EPC2: variants seen among roughly 807,000 people sequenced by gnomAD.
The protein encoded by EPC2 is enhancer of polycomb 2, also known as enhancer of polycomb homolog 2.
In EPC2, 14 loss-of-function variants were observed where a neutral mutation model predicts 92.1. The ratio of observed to expected loss-of-function variants is 0.15; its 90% CI spans 0.10 to 0.24. The LOEUF (loss-of-function observed/expected upper bound fraction) is 0.24. EPC2 is among the 10% of genes least tolerant of loss of function. The probability of loss-of-function intolerance (pLI) is 1.00; values close to 1 mark genes in which losing one functional copy is unlikely to be tolerated. For missense variants in EPC2, 755 were observed against 971.5 expected (o/e 0.78, Z 2.96); for synonymous variants, 340 against 334.7 (o/e 1.02, Z -0.17).
chr2:148,647,889 C>T (rs1338414799), intron 1 of EPC2, among the ~76,000 whole-genome samples: 1 of 152,158 alleles, frequency 6.6e-6, no homozygotes, highest in African/African-American at 2.4e-5. Flanking sequence ...CTCGGCCTCC[C>T]GAAGTGCTGG....
chr2:148,770,378 T>G (rs548897574), intron 8 of EPC2, among the ~76,000 whole-genome samples: 100 of 152,252 alleles, frequency 6.6e-4, no homozygotes, highest in African/African-American at 2.3e-3. Flanking sequence ...GAAGCTTCAG[T>G]TTGACCCCAT....
At chr2:148,775,610 TTTAA>T (rs1219902263) in intron 10 of EPC2, among the ~76,000 whole-genome samples, 1 of 100,008 alleles carries the variant, frequency 1.0e-5, no homozygotes, top group Non-Finnish European at 2.1e-5. Flanking sequence ...TATTTAAATA[TTTAA>T]TTATTTAAAT....
chr2:148,701,010 C>CT (rs1048225961), intron 2 of EPC2, among the ~76,000 whole-genome samples: 2 of 152,018 alleles, frequency 1.3e-5, no homozygotes, highest in Admixed American at 6.6e-5. Flanking sequence ...ACTTAAGTGT[C>CT]TTTTTTTGTT....
intron 2 of EPC2, among the ~76,000 whole-genome samples, chr2:148,715,133 ACACCATTTTC>A (rs1682232293): frequency 7.0e-6 from 1 of 143,202 alleles, no homozygotes; most frequent in Admixed American, 7.4e-5. Context: ...TCCCAGGTTC[ACACCATTTTC>A]CTGCCTCAGC....
intron 1 of EPC2, among the ~76,000 whole-genome samples, chr2:148,651,406 T>C (rs977004364): frequency 6.6e-6 from 1 of 152,172 alleles, no homozygotes; most frequent in Non-Finnish European, 1.5e-5. Flanking sequence ...ATTTTATCCC[T>C]GTTACATCTT....
At chr2:148,767,469 T>G (rs1466089745) in intron 7 of EPC2, among the ~76,000 whole-genome samples, 1 of 152,184 alleles carries the variant, frequency 6.6e-6, no homozygotes, top group Non-Finnish European at 1.5e-5. Context: ...CTCATTAATT[T>G]TATGGTATCT....
chr2:148,645,221 T>C, intron 1 of EPC2, 51 bp downstream of exon 1: 14 of 1,395,334 alleles, frequency 1.0e-5, no homozygotes, highest in Non-Finnish European at 1.4e-5. Flanking sequence ...CCCCTCCCCT[T>C]TGTCAGTCGG....
rs150785344 is a variant in EPC2 at position 148,693,157 on chromosome 2, A to G, written c.313+2784A>G. Among the ~76,000 whole-genome samples the G allele has an allele frequency of 4.6e-3, 694 of 152,288 alleles. 1 individual carries two copies. Among genetic ancestry groups the G allele is most frequent in the African/African-American group, 0.016 (648 of 41,582 alleles). On this transcript the variant is annotated intron_variant, in intron 2 of 13. Coordinates refer to ENST00000258484, the MANE Select transcript of EPC2 (RefSeq NM_015630.4). ...AGGAAGGTTAAAAAAAATTTTTTTT[A>G]TGTAACTTTTTGCTAAGCCTTTAAG...
chr2:148,645,508 C>T (rs572969635), intron 1 of EPC2: 14 of 267,948 alleles, frequency 5.2e-5, no homozygotes, highest in Non-Finnish European at 1.0e-4. Flanking sequence ...ACCTCCCTCT[C>T]TCAGGCGCGG....
intron 1 of EPC2, among the ~76,000 whole-genome samples, chr2:148,674,331 G>C (rs1681221689): frequency 6.6e-6 from 1 of 152,156 alleles, no homozygotes; most frequent in South Asian, 2.1e-4. Flanking sequence ...CAGTCTCCAG[G>C]TTTCCAAAGT....
At chr2:148,708,635 G>A (rs1682062051) in intron 2 of EPC2, among the ~76,000 whole-genome samples, 2 of 152,174 alleles carry the variant, frequency 1.3e-5, no homozygotes, top group Non-Finnish European at 1.5e-5. Context: ...ACATCAAAAA[G>A]CTTATCCACC....
chr2:148,713,373 C>T (rs907037752), intron 2 of EPC2, among the ~76,000 whole-genome samples: 1 of 151,964 alleles, frequency 6.6e-6, no homozygotes, highest in Non-Finnish European at 1.5e-5. Flanking sequence ...TAAGAAAAAG[C>T]TTATAGAATA....
intron 1 of EPC2, among the ~76,000 whole-genome samples, chr2:148,668,460 A>G (rs1049767156): frequency 5.9e-5 from 9 of 152,272 alleles, no homozygotes; most frequent in Non-Finnish European, 1.0e-4. Flanking sequence ...TCGTGGAATG[A>G]GTTGGGAAGT....
intron 1 of EPC2, among the ~76,000 whole-genome samples, chr2:148,678,563 G>A (rs1004243677): frequency 4.6e-5 from 7 of 152,248 alleles, no homozygotes; most frequent in African/African-American, 1.7e-4. Flanking sequence ...GGCAGCTAAG[G>A]CCCTGCGAGA....
chr2:148,670,129 C>G (rs986557868), intron 1 of EPC2, among the ~76,000 whole-genome samples: 1 of 152,166 alleles, frequency 6.6e-6, no homozygotes, highest in Non-Finnish European at 1.5e-5. Flanking sequence ...CTTCATGAAG[C>G]CTTCTGCCTC....
At chr2:148,692,659 A>G (rs1365986823) in intron 2 of EPC2, 2 of 152,190 alleles carry the variant, frequency 1.3e-5, no homozygotes, top group Non-Finnish European at 1.5e-5. Flanking sequence ...AACTATTCAT[A>G]ATAGAAATTT....
chr2:148,777,529 C>A (rs200369152), intron 10 of EPC2, among the ~76,000 whole-genome samples: 1 of 102,746 alleles, frequency 9.7e-6, no homozygotes, highest in Admixed American at 1.4e-4. Context: ...AACAAAAAAT[C>A]TTTGTTAGTT....
At chr2:148,785,857 T>A in intron 13 of EPC2, among the ~76,000 whole-genome samples, 1 of 152,126 alleles carries the variant, frequency 6.6e-6, no homozygotes, top group East Asian at 1.9e-4. Context: ...CAGAAAAAAA[T>A]TGATTTGCAT....
chr2:148,784,856 G>A lies in EPC2; in HGVS notation c.2206G>A (p.Val736Ile). 1 of 1,613,604 alleles carries A rather than the reference G, an allele frequency of 6.2e-7. No homozygotes were observed. The highest frequency in any genetic ancestry group is 2.2e-5 in the East Asian group (1 of 44,874). The change falls in exon 13 of 14, where the codon GTC (valine) becomes ATC (isoleucine). Residue 736 changes from valine to isoleucine, a missense_variant. Physicochemically the swap from Val to Ile is conservative, Grantham distance 29 (BLOSUM62 3). This residue lies in a region of EPC2 where 207 missense variants were observed against 260.5 expected (regional missense o/e 0.79). Transcript: ENST00000258484. ...GACAAATGCAGTGCACCTCAATAAT[G>A]TCAGTGTTGTTTCTCCAGTCAATGT... Reference protein sequence around the residue: ...CLTNAVHLNNVSVVSPVNVHI... With the variant: ...CLTNAVHLNNISVVSPVNVHI...
Sources: gnomAD v4.1 joint callset for allele counts (sites outside exome capture counted in the v4.1 genomes callset) on GRCh38, gnomAD v4.1.1 for gene constraint, gnomAD v4.1.1 regional missense constraint, MANE v1.5 for transcripts, NCBI Gene and HGNC (gene_info 2026-07-23, HGNC 2026-07-21) for gene names.